The following TSGA10 variants were observed in gnomAD, a reference collection of about 807,000 sequenced individuals.
TSGA10 encodes the protein testis specific 10, also known as testis-specific gene 10 protein.
In TSGA10, 43 loss-of-function variants were observed where a neutral mutation model predicts 96.6. The observed-to-expected ratio is 0.44, with a 90% CI of 0.35 to 0.57. TSGA10 has a LOEUF of 0.57. Among genes scored for constraint, TSGA10 ranks in the 20% least tolerant of loss-of-function variants. The pLI, the probability that TSGA10 is intolerant of heterozygous loss-of-function variation, is 0.01. For missense variants in TSGA10, 703 were observed against 834.4 expected, an observed-to-expected ratio of 0.84 and a Z score of 1.94; for synonymous variants, 229 against 269.9, an observed-to-expected ratio of 0.85 and a Z score of 1.48.
intron 12 of TSGA10, among the ~76,000 whole-genome samples, chr2:99,077,066 T>C (rs1481101164): frequency 6.8e-6 from 1 of 146,816 alleles, no homozygotes; most frequent in Non-Finnish European, 1.5e-5. Flanking sequence ...TATTCTGTCA[T>C]AACAGTATCT....
chr2:99,141,168 CG>C, intron 1 of TSGA10: 1 of 1,257,694 alleles, frequency 8.0e-7, no homozygotes, highest in Non-Finnish European at 1.0e-6. Flanking sequence ...TCGGCCTCAG[CG>C]GGGGATACAA....
At chr2:99,154,100 C>T (rs2093723291) in intron 1 of TSGA10, among the ~76,000 whole-genome samples, 1 of 152,232 alleles carries the variant, frequency 6.6e-6, no homozygotes, top group Non-Finnish European at 1.5e-5. Context: ...CCCTAGCAGC[C>T]AGGCAGCACC....
At chr2:99,002,862 C>CTT (rs61204458) in intron 20 of TSGA10, among the ~76,000 whole-genome samples, 6 of 143,740 alleles carry the variant, frequency 4.2e-5, no homozygotes, top group Admixed American at 7.0e-5. Flanking sequence ...ATAAAACAAA[C>CTT]TTTTTTTTTT....
intron 17 of TSGA10, among the ~76,000 whole-genome samples, chr2:99,027,107 A>C (rs1006754882): frequency 6.6e-6 from 1 of 152,068 alleles, no homozygotes; most frequent in Non-Finnish European, 1.5e-5. Flanking sequence ...ATGCTCACTC[A>C]CCCACCGCTC....
chr2:99,054,314 A>T (rs1359750465), intron 16 of TSGA10, among the ~76,000 whole-genome samples: 2 of 152,160 alleles, frequency 1.3e-5, no homozygotes, highest in African/African-American at 4.8e-5. Context: ...AACACTGCCT[A>T]TGGAGAAGAA....
At chr2:99,112,878 G>C (rs965343316) in intron 4 of TSGA10, among the ~76,000 whole-genome samples, 5 of 143,938 alleles carry the variant, frequency 3.5e-5, no homozygotes, top group African/African-American at 1.3e-4. Flanking sequence ...TTGTTTGTGG[G>C]GGACAAACAA....
At chr2:99,150,514 A>T in intron 1 of TSGA10, 1 of 1,586,624 alleles carries the variant, frequency 6.3e-7, no homozygotes, top group Non-Finnish European at 8.6e-7. Context: ...TCCACTACTT[A>T]AAAAGGTACC....
intron 20 of TSGA10, among the ~76,000 whole-genome samples, chr2:99,010,388 T>A (rs1022265980): frequency 3.3e-5 from 5 of 152,236 alleles, no homozygotes; most frequent in African/African-American, 1.2e-4. Context: ...TGCTGCCAAT[T>A]CCATGAAACA....
Position 99,135,291 on chromosome 2 carries a change from G to A in TSGA10, c.-620-8115C>T, listed in dbSNP as rs544880374. Among the ~76,000 whole-genome samples, 6 of 152,292 alleles carry A rather than the reference G, an allele frequency of 3.9e-5. No individual in the cohort carries two copies. The South Asian group carries it at 1.0e-3, about 26-fold the overall frequency. ...CAGAGATGCCCTGCCCAGAGAGGAG[G>A]AATCTAGAGAGGCAGTCTGGCTACA... On this transcript the variant is annotated intron_variant, in intron 1 of 20. Transcript: ENST00000393483.
chr2:99,060,235 C>T (rs967116182), intron 16 of TSGA10, among the ~76,000 whole-genome samples: 5 of 152,078 alleles, frequency 3.3e-5, no homozygotes, highest in Non-Finnish European at 5.9e-5. Flanking sequence ...TCACAAAATT[C>T]TATTCTACTT....
chr2:99,090,259 G>A (rs1288752539), intron 10 of TSGA10, among the ~76,000 whole-genome samples: 1 of 152,144 alleles, frequency 6.6e-6, no homozygotes, highest in Non-Finnish European at 1.5e-5. Context: ...AAAAGAATCT[G>A]AACAGCAGCC....
chr2:99,029,993 ACTC>A (rs1447092155), intron 17 of TSGA10, among the ~76,000 whole-genome samples: 1 of 152,082 alleles, frequency 6.6e-6, no homozygotes, highest in African/African-American at 2.4e-5. Flanking sequence ...CTGCAGGAAA[ACTC>A]CTAGAACTAG....
At chr2:99,121,937 A>G (rs2092595115) in intron 2 of TSGA10, among the ~76,000 whole-genome samples, 3 of 152,192 alleles carry the variant, frequency 2.0e-5, no homozygotes. Context: ...TCTATGGTCC[A>G]TTTAATTTTT....
chr2:99,029,398 C>G (rs1315621287), intron 17 of TSGA10, among the ~76,000 whole-genome samples: 1 of 151,496 alleles, frequency 6.6e-6, no homozygotes, highest in Non-Finnish European at 1.5e-5. Flanking sequence ...TATATATCAA[C>G]AAATATATCT....
chr2:99,124,595 A>T lies in TSGA10; in HGVS notation c.-492+2453T>A, dbSNP rs75641615. On this transcript the variant is annotated intron_variant, in intron 2 of 20. Coordinates refer to ENST00000393483, the MANE Select transcript of TSGA10 (RefSeq NM_025244.4). Reference sequence around the variant, plus strand: ...TAATACTGTTACATTATATATATATATTTTTTTGAGACAGAATCTCGGTCT... The same window carrying T: ...TAATACTGTTACATTATATATATATTTTTTTTTGAGACAGAATCTCGGTCT... 5.9e-3 allele frequency among the ~76,000 whole-genome samples: 895 copies of T among 151,728 alleles called. 3 individuals carry two copies. Among genetic ancestry groups the T allele is most frequent in the African/African-American group, 0.015 (636 of 41,324 alleles).
chr2:99,135,219 T>C (rs1013963208), intron 1 of TSGA10, among the ~76,000 whole-genome samples: 2 of 152,206 alleles, frequency 1.3e-5, no homozygotes, highest in African/African-American at 4.8e-5. Flanking sequence ...CCCAGGGAGA[T>C]AGGAGTTTTA....
At chr2:99,147,516 T>G (rs1411207801) in intron 1 of TSGA10, 1 of 1,609,222 alleles carries the variant, frequency 6.2e-7, no homozygotes, top group Non-Finnish European at 8.5e-7. Flanking sequence ...GGGCCAAGTC[T>G]ACCCTATTAT....
chr2:99,139,282 T>C (rs2093439170), intron 1 of TSGA10, among the ~76,000 whole-genome samples: 1 of 152,050 alleles, frequency 6.6e-6, no homozygotes, highest in Admixed American at 6.6e-5. Flanking sequence ...GTAAGTGTCA[T>C]GGAAATCTGA....
intron 1 of TSGA10, among the ~76,000 whole-genome samples, chr2:99,133,670 C>A (rs539597664): frequency 6.6e-6 from 1 of 152,310 alleles, no homozygotes; most frequent in African/African-American, 2.4e-5. Context: ...GATGCAGTTT[C>A]TTCATAGTGT....
Sources: allele counts gnomAD v4.1 joint callset (sites outside exome capture counted in the v4.1 genomes callset), GRCh38; gene constraint gnomAD v4.1.1; transcripts MANE v1.5; gene names NCBI Gene and HGNC (gene_info 2026-07-23, HGNC 2026-07-21).